IGF2BP3: variants seen among roughly 807,000 people sequenced by gnomAD.
IGF2BP3 encodes the protein insulin-like growth factor 2 mRNA-binding protein 3.
A neutral mutation model predicts 73.8 loss-of-function variants in IGF2BP3; 9 were observed. The ratio of observed to expected loss-of-function variants is 0.12; its 90% CI spans 0.07 to 0.21. The LOEUF (loss-of-function observed/expected upper bound fraction) is 0.21. IGF2BP3 is among the 10% of genes least tolerant of loss of function. The pLI is 1.00. For synonymous variants in IGF2BP3, 258 were observed against 256.7 expected (o/e 1.01, Z -0.05); for missense variants, 542 against 714.0 (o/e 0.76, Z 2.75).
chr7:23,460,689 C>A (rs1788429428), intron 2 of IGF2BP3, among the ~76,000 whole-genome samples: 1 of 152,016 alleles, frequency 6.6e-6, no homozygotes, highest in African/African-American at 2.4e-5. Context: ...GTGGCTCACG[C>A]CTGTAATCCC....
At chr7:23,345,894 T>TA in intron 8 of IGF2BP3, 46 bp downstream of exon 8, 1 of 1,597,188 alleles carries the variant, frequency 6.3e-7, no homozygotes, top group Non-Finnish European at 8.5e-7. Context: ...ACATGCAGCT[T>TA]ACAGTGTTGG....
intron 3 of IGF2BP3, among the ~76,000 whole-genome samples, chr7:23,385,054 G>T (rs1583971498): frequency 6.6e-6 from 1 of 152,252 alleles, no homozygotes; most frequent in African/African-American, 2.4e-5. Flanking sequence ...CTTTCTTATA[G>T]AAATTAAATT....
At chr7:23,327,006 A>C (rs1182624654) in intron 10 of IGF2BP3, among the ~76,000 whole-genome samples, 2 of 151,628 alleles carry the variant, frequency 1.3e-5, no homozygotes, top group East Asian at 3.9e-4. Context: ...AGCATGGCAC[A>C]TGTATACATA....
In IGF2BP3 at chr7:23,382,894, C is replaced by CAAAAAA. The variant is rs57466793; in HGVS notation, c.286-21159_286-21154dup. On this transcript the variant is annotated intron_variant, in intron 3 of 14. Transcript: ENST00000258729. ...GCAATACAGAAAAACCTAGCTCTAC[C>CAAAAAA]AAAAAAAAAAAAAAAAAAAAAAAAA... Among the ~76,000 whole-genome samples, 235 of 49,006 alleles carry CAAAAAA rather than the reference C, an allele frequency of 4.8e-3. 6 individuals carry two copies. Among genetic ancestry groups the CAAAAAA allele is most frequent in the Middle Eastern group, 0.045 (2 of 44 alleles). The allele number at this position is 49,006 out of a possible 152,430, so 32.1% of individuals were successfully genotyped here. A position where few individuals can be genotyped will look rare whatever the true frequency, so the allele number is the denominator to read the frequency against.
chr7:23,448,721 C>T (rs529385535), intron 2 of IGF2BP3, among the ~76,000 whole-genome samples: 20 of 152,322 alleles, frequency 1.3e-4, no homozygotes, highest in Middle Eastern at 3.4e-3. Flanking sequence ...GCCTCCACCT[C>T]CTGGGTTCAA....
chr7:23,318,676 C>G (rs1784056213), intron 11 of IGF2BP3, among the ~76,000 whole-genome samples: 1 of 152,178 alleles, frequency 6.6e-6, no homozygotes, highest in East Asian at 1.9e-4. Context: ...GTATTTTGCC[C>G]CTTCAACTTC....
chr7:23,435,902 C>T (rs550558442), intron 2 of IGF2BP3, among the ~76,000 whole-genome samples: 471 of 152,160 alleles, frequency 3.1e-3, no homozygotes, highest in South Asian at 6.6e-3. Flanking sequence ...GAATTACAGG[C>T]GTGTGCCACC....
chr7:23,322,385 G>T (rs910034115), intron 10 of IGF2BP3, among the ~76,000 whole-genome samples: 2 of 152,292 alleles, frequency 1.3e-5, no homozygotes, highest in Middle Eastern at 6.8e-3. Context: ...AGAATAAAAA[G>T]AAACGAGCAA....
chr7:23,368,166 G>C (rs1436276391), intron 3 of IGF2BP3, among the ~76,000 whole-genome samples: 1 of 152,106 alleles, frequency 6.6e-6, no homozygotes, highest in African/African-American at 2.4e-5. Context: ...AATGCTTACT[G>C]ACTGATGAAT....
intron 2 of IGF2BP3, among the ~76,000 whole-genome samples, chr7:23,428,969 T>G (rs887294607): frequency 6.6e-6 from 1 of 152,162 alleles, no homozygotes; most frequent in Non-Finnish European, 1.5e-5. Context: ...CCAATAATAT[T>G]TGTGAGCATT....
chr7:23,357,421 A>G (rs1442636598), intron 5 of IGF2BP3, among the ~76,000 whole-genome samples: 3 of 152,298 alleles, frequency 2.0e-5, no homozygotes, highest in Non-Finnish European at 4.4e-5. Context: ...GTATGAATAA[A>G]CATTCCTATT....
chr7:23,438,617 T>A (rs1011011786), intron 2 of IGF2BP3, among the ~76,000 whole-genome samples: 2 of 151,636 alleles, frequency 1.3e-5, no homozygotes, highest in Non-Finnish European at 2.9e-5. Flanking sequence ...ACTCTATTTT[T>A]AAAAAATTTT....
intron 2 of IGF2BP3, among the ~76,000 whole-genome samples, chr7:23,457,712 A>G (rs1201160685): frequency 6.6e-6 from 1 of 152,236 alleles, no homozygotes; most frequent in African/African-American, 2.4e-5. Context: ...GTCTGTGGAC[A>G]CATGCATAGA....
chr7:23,431,557 G>A (rs1272434667), intron 2 of IGF2BP3, among the ~76,000 whole-genome samples: 1 of 151,950 alleles, frequency 6.6e-6, no homozygotes, highest in Non-Finnish European at 1.5e-5. Context: ...AGGGTCACAG[G>A]TACACTAAAG....
intron 5 of IGF2BP3, among the ~76,000 whole-genome samples, chr7:23,352,966 TTA>T (rs1453321131): frequency 6.6e-6 from 1 of 152,204 alleles, no homozygotes; most frequent in Non-Finnish European, 1.5e-5. Flanking sequence ...TGTGTGTGTG[TTA>T]TGTTTTCAGA....
intron 5 of IGF2BP3, among the ~76,000 whole-genome samples, chr7:23,355,804 G>A (rs1785081623): frequency 6.6e-6 from 1 of 151,956 alleles, no homozygotes. Flanking sequence ...ATGGTGGCGT[G>A]AGCCTATAAT....
At chr7:23,419,252 G>A (rs1787277558) in intron 2 of IGF2BP3, among the ~76,000 whole-genome samples, 1 of 152,144 alleles carries the variant, frequency 6.6e-6, no homozygotes. Context: ...TGGGTGGCAG[G>A]AAATTACACA....
intron 9 of IGF2BP3, among the ~76,000 whole-genome samples, chr7:23,342,466 A>G (rs1196152908): frequency 6.6e-6 from 1 of 152,212 alleles, no homozygotes; most frequent in Non-Finnish European, 1.5e-5. Context: ...TGACTAGCCC[A>G]CAGGACTTAG....
chr7:23,319,585 T>A (rs1784080841), intron 10 of IGF2BP3, among the ~76,000 whole-genome samples: 1 of 131,312 alleles, frequency 7.6e-6, no homozygotes, highest in Non-Finnish European at 1.8e-5. Flanking sequence ...AAAAATTAAG[T>A]AAGAGCCCCC....
Sources: allele counts gnomAD v4.1 joint callset (sites outside exome capture counted in the v4.1 genomes callset), GRCh38; gene constraint gnomAD v4.1.1; transcripts MANE v1.5; gene names NCBI Gene and HGNC (gene_info 2026-07-23, HGNC 2026-07-21).